Variants in SORCS2 observed in about 807,000 individuals in gnomAD.
SORCS2 encodes the protein sortilin related VPS10 domain containing receptor 2, also known as VPS10 domain-containing receptor SorCS2.
Under a neutral mutation model 141.6 loss-of-function variants are expected in SORCS2, and 100 were observed. The observed-to-expected ratio is 0.71, with a 90% CI of 0.60 to 0.83. The LOEUF is 0.83. Ranked by LOEUF, SORCS2 falls within the 40% of genes least tolerant of loss-of-function variation. The pLI, the probability that SORCS2 is intolerant of heterozygous loss-of-function variation, is 0.00. For synonymous variants in SORCS2, 789 were observed against 676.9 expected (o/e 1.17, Z -2.57); for missense variants, 1,646 against 1,560.2 (o/e 1.05, Z -0.93).
At chr4:7,426,579 C>G (rs1388742341) in intron 2 of SORCS2, among the ~76,000 whole-genome samples, 2 of 152,194 alleles carry the variant, frequency 1.3e-5, no homozygotes, top group Non-Finnish European at 2.9e-5. Context: ...GTAGGAAGCT[C>G]AGGGAGGGTT....
chr4:7,542,044 A>C (rs1712715786), intron 3 of SORCS2, among the ~76,000 whole-genome samples: 1 of 152,136 alleles, frequency 6.6e-6, no homozygotes, highest in Non-Finnish European at 1.5e-5. Context: ...AGGGCAAGGC[A>C]ATTGCCCAGC....
At chr4:7,574,994 G>T (rs1352467122) in intron 3 of SORCS2, among the ~76,000 whole-genome samples, 1 of 152,264 alleles carries the variant, frequency 6.6e-6, no homozygotes, top group Non-Finnish European at 1.5e-5. Flanking sequence ...TCACCTCAGT[G>T]AAGGGGACAG....
intron 24 of SORCS2, among the ~76,000 whole-genome samples, chr4:7,733,754 C>G (rs1406500918): frequency 6.6e-6 from 1 of 152,254 alleles, no homozygotes; most frequent in African/African-American, 2.4e-5. Context: ...GAGTTTTGCT[C>G]TGCTCTGTAA....
chr4:7,288,933 C>T (rs756034500), intron 1 of SORCS2, among the ~76,000 whole-genome samples: 1 of 151,986 alleles, frequency 6.6e-6, no homozygotes, highest in Non-Finnish European at 1.5e-5. Flanking sequence ...GGTGTCTGTG[C>T]CACCTCCTCC....
At chr4:7,640,984 G>A (rs1458308221) in intron 4 of SORCS2, among the ~76,000 whole-genome samples, 7 of 152,190 alleles carry the variant, frequency 4.6e-5, no homozygotes, top group Admixed American at 3.9e-4. Context: ...GGGTGGATCT[G>A]TCTACGTAGG....
chr4:7,285,653 G>A (rs1426029013), intron 1 of SORCS2, among the ~76,000 whole-genome samples: 1 of 152,228 alleles, frequency 6.6e-6, no homozygotes. Flanking sequence ...GAGGGGATGG[G>A]GAGGCGCCTA....
chr4:7,667,727 T>C lies in SORCS2; in HGVS notation c.1161+514T>C, dbSNP rs77055499. On this transcript the variant is annotated intron_variant, in intron 8 of 26. Transcript: ENST00000507866. ...CATATAGTAGGTGCTCAGTTATTGC[T>C]ATTGCCTTTCCCTTGCCTTAGAAGG... Among the ~76,000 whole-genome samples, 787 of 152,310 alleles carry C rather than the reference T, an allele frequency of 5.2e-3. 7 individuals are homozygous for C. Among genetic ancestry groups the C allele is most frequent in the African/African-American group, 0.017 (694 of 41,566 alleles).
At chr4:7,414,327 G>A (rs1242373162) in intron 2 of SORCS2, among the ~76,000 whole-genome samples, 1 of 152,074 alleles carries the variant, frequency 6.6e-6, no homozygotes, top group African/African-American at 2.4e-5. Flanking sequence ...GCTGGGATAG[G>A]TTCCCCTAGG....
intron 3 of SORCS2, among the ~76,000 whole-genome samples, chr4:7,590,169 G>A (rs1481441769): frequency 6.6e-6 from 1 of 152,208 alleles, no homozygotes; most frequent in Non-Finnish European, 1.5e-5. Context: ...TGTTTATGAA[G>A]AAGAAACAGT....
intron 22 of SORCS2, 77 bp from the exon 23 acceptor site, chr4:7,729,510 G>A (rs1467441124): frequency 8.6e-6 from 13 of 1,509,774 alleles, no homozygotes; most frequent in Admixed American, 4.0e-5. Context: ...AGGGAGAGAG[G>A]GTGTTCCTGG....
chr4:7,587,224 G>A (rs759806287), intron 3 of SORCS2, among the ~76,000 whole-genome samples: 2 of 152,070 alleles, frequency 1.3e-5, no homozygotes, highest in Non-Finnish European at 2.9e-5. Flanking sequence ...ATTAGAAGAG[G>A]AAGAGAGTTG....
chr4:7,282,114 G>A (rs1387016521), intron 1 of SORCS2, among the ~76,000 whole-genome samples: 2 of 152,170 alleles, frequency 1.3e-5, no homozygotes, highest in African/African-American at 2.4e-5. Flanking sequence ...TTTTTCCCAC[G>A]GAACTCAGCC....
intron 1 of SORCS2, among the ~76,000 whole-genome samples, chr4:7,301,469 G>A (rs528786468): frequency 2.0e-5 from 3 of 152,346 alleles, no homozygotes; most frequent in East Asian, 3.9e-4. Context: ...GTTCTCAGCA[G>A]CTGTCTTTAT....
chr4:7,631,853 G>A (rs1303131818), intron 3 of SORCS2, among the ~76,000 whole-genome samples: 1 of 152,002 alleles, frequency 6.6e-6, no homozygotes, highest in Non-Finnish European at 1.5e-5. Context: ...GCAGACTTCT[G>A]GAAGCCATTT....
chr4:7,454,217 G>A (rs1728701868), intron 2 of SORCS2, among the ~76,000 whole-genome samples: 3 of 130,488 alleles, frequency 2.3e-5, no homozygotes, highest in Admixed American at 7.9e-5. Flanking sequence ...GGGGTCAGGT[G>A]CTGTGTGTTG....
chr4:7,524,789 C>T (rs1173553097), intron 2 of SORCS2, among the ~76,000 whole-genome samples: 1 of 152,018 alleles, frequency 6.6e-6, no homozygotes, highest in Non-Finnish European at 1.5e-5. Context: ...CCCTCCCCAC[C>T]CCGCCGCCAC....
chr4:7,659,605 C>T (rs1316292050), intron 5 of SORCS2, among the ~76,000 whole-genome samples: 3 of 152,206 alleles, frequency 2.0e-5, no homozygotes, highest in South Asian at 2.1e-4. Flanking sequence ...ACTGAGAGGA[C>T]GAGTACTGCA....
chr4:7,561,543 T>C (rs1317649847), intron 3 of SORCS2, among the ~76,000 whole-genome samples: 2 of 66,608 alleles, frequency 3.0e-5, no homozygotes, highest in Non-Finnish European at 6.0e-5. Flanking sequence ...CATGTATCCA[T>C]TCATGCATCT....
chr4:7,210,799 C>G (rs1305629816), intron 1 of SORCS2, among the ~76,000 whole-genome samples: 1 of 152,248 alleles, frequency 6.6e-6, no homozygotes, highest in Non-Finnish European at 1.5e-5. Flanking sequence ...CAAGCAGTGT[C>G]CACTTCTCTT....
Sources: gnomAD v4.1 joint callset for allele counts (sites outside exome capture counted in the v4.1 genomes callset) on GRCh38, gnomAD v4.1.1 for gene constraint, MANE v1.5 for transcripts, NCBI Gene and HGNC (gene_info 2026-07-23, HGNC 2026-07-21) for gene names.